OSBPL5: variants seen among roughly 807,000 people sequenced by gnomAD.
OSBPL5 encodes the protein oxysterol-binding protein-related protein 5.
Under a neutral mutation model 111.2 loss-of-function variants are expected in OSBPL5, and 71 were observed. The ratio of observed to expected loss-of-function variants is 0.64; its 90% CI spans 0.53 to 0.78. OSBPL5 has a LOEUF of 0.78. OSBPL5 is among the 30% of genes least tolerant of loss of function. The probability of loss-of-function intolerance (pLI) is 0.00; values close to 1 mark genes in which losing one functional copy is unlikely to be tolerated. For synonymous variants in OSBPL5, 549 were observed against 513.9 expected, an observed-to-expected ratio of 1.07 and a Z score of -0.93; for missense variants, 1,210 against 1,189.3, an observed-to-expected ratio of 1.02 and a Z score of -0.26.
Position 3,126,511 on chromosome 11 carries a change from C to G in OSBPL5, c.181G>C (p.Gly61Arg). 6.2e-7 allele frequency: 1 copy of G among 1,610,102 alleles called. No homozygotes were observed. Among genetic ancestry groups the G allele is most frequent in the Non-Finnish European group, 8.5e-7 (1 of 1,178,864 alleles). The change falls in exon 3 of 22, where the codon GGG becomes CGG. Residue 61 changes from glycine (G) to arginine (R), a missense_variant. By Grantham distance (125) the Gly-to-Arg change is moderately radical. Transcript: ENST00000263650. This position sits in a 1 kb window ranked among gnomAD's most constrained non-coding sequence, Gnocchi z 6.5. Reference sequence around the variant, plus strand: ...GTGGCAGAGCTTGGGGTCGGGGGCCCTTCATCCCTGGGCAGCGACGGGCCG... The same window carrying G: ...GTGGCAGAGCTTGGGGTCGGGGGCCGTTCATCCCTGGGCAGCGACGGGCCG... ...PNGPSLPRDEGPPTPSSATKV... is the reference protein window; with the variant it reads ...PNGPSLPRDERPPTPSSATKV...
At position 3,090,686 on chromosome 11, in the gene OSBPL5, G is replaced by A; in HGVS notation, c.2270C>T (p.Pro757Leu). 4 of 1,611,368 alleles carry A rather than the reference G, an allele frequency of 2.5e-6. No individual in the cohort carries two copies. The highest frequency in any genetic ancestry group is 3.4e-6 in the Non-Finnish European group (4 of 1,179,518). Residue 757 changes from proline (P) to leucine (L), a missense_variant, in exon 20 of 22, where the codon CCA becomes CTA. Physicochemically the swap from Pro to Leu is moderately conservative, Grantham distance 98. Transcript: ENST00000263650. ...SPGPRHERSGPDQRLRKASDQ... is the reference protein window; with the variant it reads ...SPGPRHERSGLDQRLRKASDQ... The stretch of plus-strand genomic sequence containing the variant: ...GCTGGCCTTGCGAAGCCGCTGGTCT[G>A]GGCCAGACCTCTGCAGAGAAATGGA...
chr11:3,096,964 AGAG>A, intron 14 of OSBPL5, among the ~76,000 whole-genome samples: 1 of 20,810 alleles, frequency 4.8e-5, no homozygotes, highest in Admixed American at 6.6e-4. Flanking sequence ...GAGGAGGAGA[AGAG>A]GAAAGAGGGG....
At chr11:3,102,378 G>T in intron 11 of OSBPL5, 97 bp from the exon 12 acceptor site, 1 of 1,102,100 alleles carries the variant, frequency 9.1e-7, no homozygotes. Context: ...GCGTGGGTGG[G>T]CTACCCGCTG....
chr11:3,156,150 ATC>A (rs1042202684), intron 1 of OSBPL5, among the ~76,000 whole-genome samples: 1 of 152,106 alleles, frequency 6.6e-6, no homozygotes, highest in African/African-American at 2.4e-5. Context: ...ACCAGGCCCC[ATC>A]TCGCTGGGCT....
intron 6 of OSBPL5, 131 bp downstream of exon 6, chr11:3,120,290 G>A (rs894303818): frequency 3.8e-5 from 42 of 1,116,268 alleles, no homozygotes; most frequent in African/African-American, 6.2e-5. Context: ...GGGGCTCAGA[G>A]AAGGTGAGAC....
At position 3,143,003 on chromosome 11, in the gene OSBPL5, TGCAGAGGGGG is replaced by T. The variant is rs1846178186; in HGVS notation, c.-21-13844_-21-13835del. ...TGCAGAGCAGGGCAGAGGAGGCAGG[TGCAGAGGGGG>T]GCAGAGGAGGCAGGTGCGGGGGGGG... On this transcript the variant is annotated intron_variant, in intron 1 of 21. Coordinates refer to ENST00000263650, the MANE Select transcript of OSBPL5 (RefSeq NM_020896.4). Among the ~76,000 whole-genome samples, 3 of 74,866 alleles carry T rather than the reference TGCAGAGGGGG, an allele frequency of 4.0e-5. No homozygotes were observed. The Admixed American group carries it at 5.2e-4, about 13-fold the overall frequency. The allele number at this position is 74,866 out of a possible 152,430, so 49.1% of individuals were successfully genotyped here. A position where few individuals can be genotyped will look rare whatever the true frequency, so the allele number is the denominator to read the frequency against.
In OSBPL5 at chr11:3,101,648, C is replaced by T. The variant is rs773101925; in HGVS notation, c.1477G>A (p.Gly493Ser). Residue 493 changes from glycine to serine, a missense_variant, in exon 13 of 22, where the codon GGC becomes AGC. Coordinates refer to ENST00000263650, the MANE Select transcript of OSBPL5 (RefSeq NM_020896.4). ...SAFHVSNRKD[G>S]FCISGSITAK... ...GTGATGCTGCCACTGATGCAGAAGC[C>T]GTCCTTCCGGTTGCTGACGTGGAAG... 4.5e-5 allele frequency: 72 copies of T among 1,613,866 alleles called. No individual in the cohort carries two copies. Among genetic ancestry groups the T allele is most frequent in the South Asian group, 9.9e-5 (9 of 91,088 alleles).
chr11:3,097,291 A>T (rs186758746), intron 14 of OSBPL5, among the ~76,000 whole-genome samples: 2 of 152,084 alleles, frequency 1.3e-5, no homozygotes, highest in Admixed American at 6.5e-5. Flanking sequence ...CTAAGCAGGC[A>T]CTCTCACATG....
intron 20 of OSBPL5, 120 bp downstream of exon 20, chr11:3,090,437 CT>C: frequency 7.2e-7 from 1 of 1,390,622 alleles, no homozygotes; most frequent in Non-Finnish European, 9.8e-7. Context: ...AGCAGAGGAG[CT>C]TTTGCTGGGA....
chr11:3,103,212 C>A, intron 11 of OSBPL5, 27 bp downstream of exon 11: 1 of 1,576,262 alleles, frequency 6.3e-7, no homozygotes, highest in East Asian at 2.3e-5. Context: ...GCCGGAGCCC[C>A]ACCCTCCCTG....
chr11:3,128,483 C>T (rs1426885076), intron 2 of OSBPL5, among the ~76,000 whole-genome samples: 2 of 152,196 alleles, frequency 1.3e-5, no homozygotes, highest in African/African-American at 2.4e-5. Flanking sequence ...GCAGCATTGG[C>T]GGGCAGAGGT....
rs951347690 is a variant in OSBPL5, at chr11:3,106,192, C to G, written c.1059+1071G>C. Among the ~76,000 whole-genome samples, 4 of 152,132 alleles carry G rather than the reference C, an allele frequency of 2.6e-5. No individual in the cohort carries two copies. The highest frequency in any genetic ancestry group is 9.7e-5 in the African/African-American group (4 of 41,418). Reference sequence around the variant, plus strand: ...TGTTCCACTGAACACAAGGATTTCACGGACCACGGAGGAGCCCCCTCTGTC... The same window carrying G: ...TGTTCCACTGAACACAAGGATTTCAGGGACCACGGAGGAGCCCCCTCTGTC... On this transcript the variant is annotated intron_variant, in intron 9 of 21. Transcript: ENST00000263650. The surrounding 1 kb of genome is among the most constrained non-coding windows in gnomAD (Gnocchi z 8.4).
intron 1 of OSBPL5, among the ~76,000 whole-genome samples, chr11:3,153,176 C>T (rs931425364): frequency 6.6e-6 from 1 of 152,092 alleles, no homozygotes; most frequent in African/African-American, 2.4e-5. Context: ...CTCACCTCTC[C>T]GAGCCCCAGT....
intron 1 of OSBPL5, among the ~76,000 whole-genome samples, chr11:3,144,594 T>C (rs1303802041): frequency 1.3e-5 from 2 of 152,078 alleles, no homozygotes; most frequent in African/African-American, 4.8e-5. Flanking sequence ...GGCCCCAAAT[T>C]CCACCACCTG....
At position 3,162,595 on chromosome 11, in the gene OSBPL5, C is replaced by T. The variant is rs117276483; in HGVS notation, c.-22+2621G>A. ...AAGTCCTTTGTACTCGACCGCCAAC[C>T]CTACCACTCTCCGGAGCAGCTTCAC... On this transcript the variant is annotated intron_variant, in intron 1 of 21. Coordinates refer to ENST00000263650, the MANE Select transcript of OSBPL5 (RefSeq NM_020896.4). The surrounding 1 kb of genome is among the most constrained non-coding windows in gnomAD (Gnocchi z 8.1). Among the ~76,000 whole-genome samples, 2,332 of 152,042 alleles carry T rather than the reference C, an allele frequency of 0.015. 24 individuals carry two copies. Among genetic ancestry groups the T allele is most frequent in the Non-Finnish European group, 0.021 (1,398 of 67,984 alleles).
At chr11:3,137,148 C>T (rs918168576) in intron 1 of OSBPL5, among the ~76,000 whole-genome samples, 28 of 152,176 alleles carry the variant, frequency 1.8e-4, no homozygotes, top group African/African-American at 5.1e-4. Context: ...TGTGAGGAAA[C>T]CACGCAGGCC....
intron 1 of OSBPL5, among the ~76,000 whole-genome samples, chr11:3,131,563 T>C (rs58888501): frequency 1.4e-3 from 168 of 119,028 alleles, no homozygotes; most frequent in Middle Eastern, 6.3e-3. Flanking sequence ...ACCCATTCAT[T>C]CATCCATCCA....
intron 14 of OSBPL5, among the ~76,000 whole-genome samples, chr11:3,095,914 C>A (rs1431842102): frequency 6.6e-6 from 1 of 152,118 alleles, no homozygotes; most frequent in African/African-American, 2.4e-5. Context: ...GCCCTGTGCA[C>A]CCTGCTGTGG....
At chr11:3,122,119 G>C (rs749429630) in intron 4 of OSBPL5, 21 bp from the exon 5 acceptor site, 5 of 1,545,276 alleles carry the variant, frequency 3.2e-6, no homozygotes. Context: ...GGCACCCGCG[G>C]TGGGTCATGG....
Sources: gnomAD v4.1 joint callset for allele counts (sites outside exome capture counted in the v4.1 genomes callset) on GRCh38, gnomAD v4.1.1 for gene constraint, Gnocchi (gnomAD v3.1) non-coding constraint, MANE v1.5 for transcripts, NCBI Gene and HGNC (gene_info 2026-07-23, HGNC 2026-07-21) for gene names.